MAPK8: variants seen among roughly 807,000 people sequenced by gnomAD.
MAPK8 encodes JUN N-terminal kinase.
A neutral mutation model predicts 52.9 loss-of-function variants in MAPK8; 13 were observed. That is an observed-to-expected ratio of 0.25 (90% CI 0.16 to 0.39). The LOEUF (loss-of-function observed/expected upper bound fraction) is 0.39, where lower values mean the gene tolerates loss of function less well. MAPK8 is among the 10% of genes least tolerant of loss of function. MAPK8 has a pLI of 1.00. For missense variants in MAPK8, 300 were observed against 519.2 expected (o/e 0.58, Z 4.10); for synonymous variants, 191 against 169.8 (o/e 1.12, Z -0.97).
intron 7 of MAPK8, chr10:48,424,700 C>T (rs1301269525): frequency 1.8e-6 from 1 of 541,616 alleles, no homozygotes; most frequent in East Asian, 3.1e-5. Flanking sequence ...TTAAATTACT[C>T]TTAAAATACC....
chr10:48,385,554 A>G (rs1919705), intron 1 of MAPK8, among the ~76,000 whole-genome samples: 5,549 of 152,258 alleles, frequency 0.036, 284 homozygotes, highest in African/African-American at 0.11. Context: ...TTATACAGAA[A>G]AAAATTTTTG....
intron 1 of MAPK8, among the ~76,000 whole-genome samples, chr10:48,359,280 G>A (rs545914979): frequency 3.9e-5 from 6 of 152,042 alleles, no homozygotes; most frequent in African/African-American, 7.2e-5. Context: ...CTGCACCAGC[G>A]GATCCACAGG....
chr10:48,396,844 A>G (rs886937585), intron 1 of MAPK8, among the ~76,000 whole-genome samples: 1 of 152,206 alleles, frequency 6.6e-6, no homozygotes, highest in Non-Finnish European at 1.5e-5. Flanking sequence ...ATGAGTTTTA[A>G]GCCTATATAC....
At chr10:48,400,158 A>T (rs572108814) in intron 1 of MAPK8, among the ~76,000 whole-genome samples, 6 of 152,356 alleles carry the variant, frequency 3.9e-5, no homozygotes, top group African/African-American at 1.4e-4. Context: ...TTAAATCATT[A>T]CCAAAGCTCC....
At chr10:48,425,663 T>A in intron 7 of MAPK8, 1 of 384,512 alleles carries the variant, frequency 2.6e-6, no homozygotes, top group Non-Finnish European at 4.6e-6. Flanking sequence ...TAAGGTAAAA[T>A]CAGTTAGTTT....
chr10:48,413,843 A>ATATG (rs2042908532), intron 5 of MAPK8, among the ~76,000 whole-genome samples: 1 of 126,032 alleles, frequency 7.9e-6, no homozygotes, highest in African/African-American at 3.2e-5. Flanking sequence ...ATATATATAT[A>ATATG]TATATATATA....
At chr10:48,372,073 T>C (rs1333003309) in intron 1 of MAPK8, among the ~76,000 whole-genome samples, 2 of 152,110 alleles carry the variant, frequency 1.3e-5, no homozygotes, top group Non-Finnish European at 2.9e-5. Flanking sequence ...AGAATTTTTA[T>C]GGAAACTTGT....
intron 1 of MAPK8, among the ~76,000 whole-genome samples, chr10:48,368,205 A>G (rs1848236228): frequency 1.3e-5 from 2 of 152,234 alleles, no homozygotes; most frequent in Admixed American, 1.3e-4. Context: ...TGGGAATCCA[A>G]CTGTGAACAA....
chr10:48,412,046 A>G (rs970616523), intron 5 of MAPK8, among the ~76,000 whole-genome samples: 1 of 152,152 alleles, frequency 6.6e-6, no homozygotes, highest in Non-Finnish European at 1.5e-5. Flanking sequence ...GAGTTTCACC[A>G]TGTTGGTCAG....
chr10:48,370,282 G>A (rs1848427005), intron 1 of MAPK8, among the ~76,000 whole-genome samples: 1 of 152,128 alleles, frequency 6.6e-6, no homozygotes, highest in Non-Finnish European at 1.5e-5. Flanking sequence ...AGGACAGTTT[G>A]TAATAGATAC....
intron 3 of MAPK8, 78 bp from the exon 4 acceptor site, chr10:48,409,801 A>T: frequency 1.1e-6 from 1 of 928,706 alleles, no homozygotes; most frequent in Non-Finnish European, 1.7e-6. Context: ...GTTTTTTTTA[A>T]CTCATGTATT....
chr10:48,341,161 A>G (rs1845218206), intron 1 of MAPK8, among the ~76,000 whole-genome samples: 1 of 152,276 alleles, frequency 6.6e-6, no homozygotes, highest in Non-Finnish European at 1.5e-5. Context: ...CTGTTCTAAA[A>G]TAAACTGAAC....
At chr10:48,317,135 G>A (rs1842577979) in intron 1 of MAPK8, among the ~76,000 whole-genome samples, 3 of 152,082 alleles carry the variant, frequency 2.0e-5, no homozygotes, top group Admixed American at 2.0e-4. Context: ...TATTAAAGTG[G>A]GAAGAAAGAA....
chr10:48,344,251 G>A (rs1404959020), intron 1 of MAPK8, among the ~76,000 whole-genome samples: 1 of 152,168 alleles, frequency 6.6e-6, no homozygotes, highest in Admixed American at 6.5e-5. Context: ...AGAAAGTCTA[G>A]GGTAACAGAT....
At chr10:48,321,507 G>C (rs747996105) in intron 1 of MAPK8, among the ~76,000 whole-genome samples, 1 of 152,158 alleles carries the variant, frequency 6.6e-6, no homozygotes, top group Non-Finnish European at 1.5e-5. Context: ...AGCACAAAAA[G>C]TTTTAATTTC....
intron 1 of MAPK8, chr10:48,325,983 A>T (rs1269522915): frequency 6.6e-6 from 1 of 152,216 alleles, no homozygotes; most frequent in Non-Finnish European, 1.5e-5. Flanking sequence ...CTGTTAACAT[A>T]ATTTATGACT....
chr10:48,335,836 A>G (rs1309766346), intron 1 of MAPK8, among the ~76,000 whole-genome samples: 1 of 152,188 alleles, frequency 6.6e-6, no homozygotes, highest in Non-Finnish European at 1.5e-5. Context: ...TAACAAGGTA[A>G]CTGCAGGGAG....
At chr10:48,419,991 C>A (rs527881856) in intron 5 of MAPK8, among the ~76,000 whole-genome samples, 164 bp from the exon 6 acceptor site, 1 of 152,286 alleles carries the variant, frequency 6.6e-6, no homozygotes, top group African/African-American at 2.4e-5. Flanking sequence ...ATAAAACTGA[C>A]TTCTCAGGTT....
chr10:48,313,626 C>A (rs1842204841), intron 1 of MAPK8, among the ~76,000 whole-genome samples: 1 of 152,248 alleles, frequency 6.6e-6, no homozygotes, highest in Admixed American at 6.5e-5. Context: ...TGGATTTTGG[C>A]TTTGCCAATG....
Sources: allele counts gnomAD v4.1 joint callset (sites outside exome capture counted in the v4.1 genomes callset), GRCh38; gene constraint gnomAD v4.1.1; transcripts MANE v1.5; gene names NCBI Gene and HGNC (gene_info 2026-07-23, HGNC 2026-07-21).